Variants in NCOA6 observed in about 807,000 individuals in gnomAD.
The protein encoded by NCOA6 is NRC RAP250.
A neutral mutation model predicts 171.4 loss-of-function variants in NCOA6; 49 were observed. The observed-to-expected ratio is 0.29, with a 90% CI of 0.23 to 0.36. NCOA6 has a LOEUF of 0.36. NCOA6 is among the 10% of genes least tolerant of loss of function. NCOA6 has a pLI of 1.00. For missense variants in NCOA6, 2,248 were observed against 2,554.5 expected (o/e 0.88, Z 2.59); for synonymous variants, 910 against 927.5 (o/e 0.98, Z 0.34).
At chr20:34,768,375 A>C in intron 5 of NCOA6, 89 bp downstream of exon 5, 2 of 1,507,996 alleles carry the variant, frequency 1.3e-6, no homozygotes, top group Non-Finnish European at 1.8e-6. Context: ...TATGCCATGA[A>C]CCCCCACCTA....
At chr20:34,815,954 C>T (rs185911249) in intron 1 of NCOA6, among the ~76,000 whole-genome samples, 20 of 152,212 alleles carry the variant, frequency 1.3e-4, no homozygotes, top group Admixed American at 6.5e-4. Flanking sequence ...TTCAAAATTC[C>T]GCAGTGCCAT....
intron 11 of NCOA6, among the ~76,000 whole-genome samples, chr20:34,739,411 A>C (rs1348173590): frequency 2.6e-5 from 4 of 152,220 alleles, no homozygotes; most frequent in Admixed American, 2.6e-4. Flanking sequence ...GTGTTATAAT[A>C]CCAACCCAAG....
chr20:34,725,393 T>A (rs182435328), intron 14 of NCOA6, among the ~76,000 whole-genome samples: 2 of 152,094 alleles, frequency 1.3e-5, no homozygotes, highest in East Asian at 3.9e-4. Flanking sequence ...GTAGGAAGGG[T>A]GGGACGTTAA....
rs554946881 is a variant in NCOA6, at chr20:34,730,761, G to C, written c.5999+1798C>G. Among the ~76,000 whole-genome samples, 36 of 136,498 alleles carry C rather than the reference G, an allele frequency of 2.6e-4. No homozygotes were observed. In the South Asian group the frequency reaches 8.1e-3, roughly 31 times the overall value. The allele number at this position is 136,498 out of a possible 152,430, so 89.5% of individuals were successfully genotyped here. On this transcript the variant is annotated intron_variant, in intron 13 of 14. Coordinates refer to ENST00000359003, the MANE Select transcript of NCOA6 (RefSeq NM_014071.5). ...AGAGTCTTACTCTGTTGCTCATGTT[G>C]GAGTGCAGTGAGCACGACCATGGCT... is the stretch of plus-strand genomic sequence containing the variant.
intron 12 of NCOA6, 134 bp from the exon 13 acceptor site, chr20:34,732,729 G>A: frequency 1.5e-6 from 1 of 654,774 alleles, no homozygotes. Flanking sequence ...ACCCTACATG[G>A]TATGGAGACA....
intron 5 of NCOA6, among the ~76,000 whole-genome samples, chr20:34,763,657 T>C (rs1201273245): frequency 6.6e-6 from 1 of 152,192 alleles, no homozygotes; most frequent in Non-Finnish European, 1.5e-5. Flanking sequence ...TAGACCTACC[T>C]AATGTTAATG....
rs1179598675 is a variant in NCOA6, at chr20:34,805,565, T to C, written c.-163-13002A>G. ...GACACAAGTTGATTATCTTGGCTATTGTGAATAGTGCTGCAATAAACATGA... is the reference window on the plus strand; with the variant it reads ...GACACAAGTTGATTATCTTGGCTATCGTGAATAGTGCTGCAATAAACATGA... On this transcript the variant is annotated intron_variant, in intron 1 of 14. Coordinates refer to ENST00000359003, the MANE Select transcript of NCOA6 (RefSeq NM_014071.5). Among the ~76,000 whole-genome samples, 4 of 152,180 alleles carry C rather than the reference T, an allele frequency of 2.6e-5. No homozygotes were observed. The East Asian group carries it at 7.7e-4, about 29-fold the overall frequency.
At chr20:34,805,652 G>A (rs1234306416) in intron 1 of NCOA6, among the ~76,000 whole-genome samples, 1 of 151,424 alleles carries the variant, frequency 6.6e-6, no homozygotes, top group Non-Finnish European at 1.5e-5. Flanking sequence ...CTATTAGTGG[G>A]ATTGCTGGAT....
intron 12 of NCOA6, among the ~76,000 whole-genome samples, chr20:34,733,442 G>A (rs925255886): frequency 6.6e-6 from 1 of 152,130 alleles, no homozygotes; most frequent in African/African-American, 2.4e-5. Context: ...AATGAAGTCA[G>A]AGTGCCTGGT....
At chr20:34,733,889 CTT>C in intron 12 of NCOA6, among the ~76,000 whole-genome samples, 2 of 131,232 alleles carry the variant, frequency 1.5e-5, no homozygotes, top group Non-Finnish European at 3.2e-5. Flanking sequence ...GGAAGGGAAT[CTT>C]TGCTTCTCAT....
chr20:34,772,188 C>T (rs1416683337), intron 4 of NCOA6, among the ~76,000 whole-genome samples: 6 of 152,094 alleles, frequency 3.9e-5, no homozygotes, highest in Non-Finnish European at 8.8e-5. Flanking sequence ...GTGGCACGCA[C>T]CTGTGGTCCT....
At position 34,743,357 on chromosome 20, in the gene NCOA6, CA is replaced by C. The variant is rs1217237926; in HGVS notation, c.2915-17del. 6.3e-7 allele frequency: 1 copy of C among 1,576,234 alleles called. No individual in the cohort carries two copies. Among genetic ancestry groups the C allele is most frequent in the Non-Finnish European group, 8.6e-7 (1 of 1,159,316 alleles). ...GAAGGATAACCTAAAACAAGCCCCC[CA>C]AATTAGGGAAGTTAGATTTTTCAGC... On this transcript the variant is annotated splice_polypyrimidine_tract_variant and intron_variant, in intron 10 of 14. Transcript: ENST00000359003.
At chr20:34,751,195 C>A (rs959475160) in intron 8 of NCOA6, among the ~76,000 whole-genome samples, 5 of 149,146 alleles carry the variant, frequency 3.4e-5, no homozygotes, top group Admixed American at 6.8e-5. Flanking sequence ...AAGGTGAAAC[C>A]CCGTCTCTAC....
chr20:34,727,251 C>T lies in NCOA6; in HGVS notation c.6148+8G>A, dbSNP rs772186865. ...ACCCACAAATAGCACCCACATCCCA[C>T]TGCTAACCTTTAGTAGAGCTGGAGG... On this transcript the variant is annotated splice_region_variant and intron_variant, in intron 14 of 14. Coordinates refer to ENST00000359003, the MANE Select transcript of NCOA6 (RefSeq NM_014071.5). 1 of 1,613,856 alleles carries T rather than the reference C, an allele frequency of 6.2e-7. No homozygotes were observed. Among genetic ancestry groups the T allele is most frequent in the Non-Finnish European group, 8.5e-7 (1 of 1,179,896 alleles).
At chr20:34,728,732 G>A (rs1191060475) in intron 13 of NCOA6, among the ~76,000 whole-genome samples, 1 of 152,166 alleles carries the variant, frequency 6.6e-6, no homozygotes. Flanking sequence ...AATACCTAAC[G>A]ATAGTAGATT....
chr20:34,820,239 G>A (rs1008156606), intron 1 of NCOA6: 1 of 152,158 alleles, frequency 6.6e-6, no homozygotes, highest in African/African-American at 2.4e-5. Flanking sequence ...AAAAGTAGCA[G>A]GGCATGGTGG....
intron 10 of NCOA6, among the ~76,000 whole-genome samples, chr20:34,743,909 A>G (rs1028869946): frequency 1.3e-5 from 2 of 152,228 alleles, no homozygotes; most frequent in African/African-American, 4.8e-5. Context: ...TCAGTTCCTT[A>G]AGAAAGAGGA....
intron 10 of NCOA6, among the ~76,000 whole-genome samples, chr20:34,744,961 T>G (rs1482053581): frequency 1.3e-5 from 2 of 152,126 alleles, no homozygotes; most frequent in African/African-American, 4.8e-5. Flanking sequence ...AAGTAACAGT[T>G]AAGGGCATGG....
intron 7 of NCOA6, among the ~76,000 whole-genome samples, chr20:34,755,154 C>T (rs1363772823): frequency 6.6e-5 from 10 of 152,308 alleles, no homozygotes; most frequent in Middle Eastern, 3.4e-3. Flanking sequence ...TCTGAGGCCA[C>T]GCCACAGCAA....
Sources: gnomAD v4.1 joint callset for allele counts (sites outside exome capture counted in the v4.1 genomes callset) on GRCh38, gnomAD v4.1.1 for gene constraint, MANE v1.5 for transcripts, NCBI Gene and HGNC (gene_info 2026-07-23, HGNC 2026-07-21) for gene names.